Variants in TIAL1 observed in about 807,000 individuals in gnomAD.
The protein encoded by TIAL1 is nucleolysin TIAR.
A neutral mutation model predicts 59.7 loss-of-function variants in TIAL1; 7 were observed. The observed-to-expected ratio is 0.12, with a 90% CI of 0.07 to 0.22. The LOEUF (loss-of-function observed/expected upper bound fraction) is 0.22, where lower values mean the gene tolerates loss of function less well. Ranked by LOEUF, TIAL1 falls within the 10% of genes least tolerant of loss-of-function variation. The pLI, the probability that TIAL1 is intolerant of heterozygous loss-of-function variation, is 1.00. For missense variants in TIAL1, 225 were observed against 462.5 expected, an observed-to-expected ratio of 0.49 and a Z score of 4.71; for synonymous variants, 149 against 146.3, an observed-to-expected ratio of 1.02 and a Z score of -0.13.
chr10:119,585,221 T>A (rs1403345377), intron 2 of TIAL1, among the ~76,000 whole-genome samples: 1 of 150,958 alleles, frequency 6.6e-6, no homozygotes, highest in African/African-American at 2.4e-5. Context: ...GGCAGGAGGA[T>A]CACTTGAGCC....
intron 2 of TIAL1, among the ~76,000 whole-genome samples, chr10:119,584,040 A>T (rs1007727903): frequency 5.3e-5 from 8 of 152,210 alleles, no homozygotes; most frequent in African/African-American, 4.8e-5. Flanking sequence ...AAACACTGAT[A>T]ATCACAGCAA....
intron 7 of TIAL1, 37 bp from the exon 8 acceptor site, chr10:119,577,773 T>C (rs1338658323): frequency 1.3e-6 from 2 of 1,511,270 alleles, no homozygotes; most frequent in Admixed American, 1.7e-5. Context: ...TTGACTGTTA[T>C]ATTGTACTAT....
rs766052642 is a variant in TIAL1 at position 119,582,237 on chromosome 10, T to C, written c.229-14A>G. ...TACTTTGACCTCCTAAAAATAAAGA[T>C]TATATTTAATAAAATTATTAGGCAT... On this transcript the variant is annotated splice_polypyrimidine_tract_variant and intron_variant, in intron 3 of 11. Transcript: ENST00000436547. The surrounding 1 kb of genome is among the most constrained non-coding windows in gnomAD (Gnocchi z 5.1). 6.4e-7 allele frequency: 1 copy of C among 1,572,194 alleles called. No homozygotes were observed. The highest frequency in any genetic ancestry group is 2.3e-5 in the East Asian group (1 of 44,128).
Position 119,577,456 on chromosome 10 carries a change from AAATG to A in TIAL1, c.728_731del (p.Ser243LeufsTer17). On this transcript the variant is annotated frameshift_variant, in exon 9 of 12. Transcript: ENST00000436547. LOFTEE classifies it high-confidence loss of function. ...TATTTCAAGTAGAGTGTTACCTGACAAATGAATAGCCCTTTTCTGGGAAAACTCT... is the reference window on the plus strand; with the variant it reads ...TATTTCAAGTAGAGTGTTACCTGACAAATAGCCCTTTTCTGGGAAAACTCT... 1 of 1,612,296 alleles carries A rather than the reference AAATG, an allele frequency of 6.2e-7. No individual in the cohort carries two copies. Among genetic ancestry groups the A allele is most frequent in the Non-Finnish European group, 8.5e-7 (1 of 1,178,700 alleles).
Position 119,573,897 on chromosome 10 carries a change from T to C in TIAL1, c.*1768A>G, listed in dbSNP as rs1844822891. On this transcript the variant is annotated 3_prime_UTR_variant, in exon 12 of 12. Coordinates refer to ENST00000436547, the MANE Select transcript of TIAL1 (RefSeq NM_003252.4). ...AATTTTTATGTTGAATACATTTGGC[T>C]ATATTGCTAAGTGGGAAAAGGAGGA... 6.6e-6 allele frequency: 1 copy of C among 152,232 alleles called. No individual in the cohort carries two copies. Among genetic ancestry groups the C allele is most frequent in the African/African-American group, 2.4e-5 (1 of 41,450 alleles). The allele number at this position is 152,232 out of a possible 1,614,324, so 9.4% of individuals were successfully genotyped here.
At chr10:119,593,028 C>T (rs536768368) in intron 1 of TIAL1, among the ~76,000 whole-genome samples, 4 of 152,254 alleles carry the variant, frequency 2.6e-5, no homozygotes, top group South Asian at 4.2e-4. Context: ...TGGTATTACA[C>T]GAATTCCTAG....
chr10:119,595,700 G>A (rs1346431466), intron 1 of TIAL1, among the ~76,000 whole-genome samples: 1 of 152,202 alleles, frequency 6.6e-6, no homozygotes, highest in East Asian at 1.9e-4. Flanking sequence ...AGATTAGGAA[G>A]AGGCAACACC....
Position 119,573,880 on chromosome 10 carries a change from T to C in TIAL1, c.*1785A>G, listed in dbSNP as rs933255186. 1.3e-5 allele frequency: 2 copies of C among 152,224 alleles called. No homozygotes were observed. The allele number at this position is 152,224 out of a possible 1,614,324, so 9.4% of individuals were successfully genotyped here. ...GAATTTCAGACCCTATGAATTTTTA[T>C]GTTGAATACATTTGGCTATATTGCT... On this transcript the variant is annotated 3_prime_UTR_variant, in exon 12 of 12. Transcript: ENST00000436547.
At position 119,578,806 on chromosome 10, in the gene TIAL1, C is replaced by G; in HGVS notation, c.476G>C (p.Gly159Ala). 6.2e-7 allele frequency: 1 copy of G among 1,614,072 alleles called. No individual in the cohort carries two copies. The highest frequency in any genetic ancestry group is 8.5e-7 in the Non-Finnish European group (1 of 1,179,998). The change falls in exon 7 of 12, where the codon GGC becomes GCC. Residue 159 changes from glycine (G) to alanine (A), a missense_variant. This residue lies in a region of TIAL1 where 38 missense variants were observed against 173.0 expected (regional missense o/e 0.22). Transcript: ENST00000436547. ...TTGACGACCACCCAACCACTGACCG[C>G]CCATATGCACAATCGCATTTTCTGC... Reference protein sequence around the residue: ...LDAENAIVHMGGQWLGGRQIR... With the variant: ...LDAENAIVHMAGQWLGGRQIR...
At chr10:119,589,588 G>A (rs1367543736) in intron 1 of TIAL1, among the ~76,000 whole-genome samples, 1 of 151,948 alleles carries the variant, frequency 6.6e-6, no homozygotes, top group Admixed American at 6.5e-5. Flanking sequence ...ACAAATCCAG[G>A]CATACTTTTG....
At chr10:119,578,262 A>G (rs1198224956) in intron 7 of TIAL1, among the ~76,000 whole-genome samples, 9 of 147,470 alleles carry the variant, frequency 6.1e-5, no homozygotes, top group African/African-American at 2.0e-4. Flanking sequence ...ATATGCCTCA[A>G]TGGGAGGAGA....
At chr10:119,593,249 T>C (rs1035337034) in intron 1 of TIAL1, among the ~76,000 whole-genome samples, 1 of 152,192 alleles carries the variant, frequency 6.6e-6, no homozygotes, top group Non-Finnish European at 1.5e-5. Context: ...ATGATCTTGT[T>C]TGTTTTTTTA....
intron 2 of TIAL1, among the ~76,000 whole-genome samples, chr10:119,587,000 T>G (rs2133986291): frequency 6.6e-6 from 1 of 152,286 alleles, no homozygotes; most frequent in South Asian, 2.1e-4. Context: ...TAGTGCCTAG[T>G]GCAAAGGAAA....
intron 1 of TIAL1, among the ~76,000 whole-genome samples, chr10:119,590,768 GA>G (rs879765762): frequency 1.1e-5 from 1 of 87,736 alleles, no homozygotes; most frequent in Non-Finnish European, 2.2e-5. Context: ...AAGAGAGAAA[GA>G]AAGAAAGAAA....
At position 119,596,587 on chromosome 10, in the gene TIAL1, CCCTGCTCTCGGGCTCTCTCCCCCCAG is replaced by C; in HGVS notation, c.-148_-123del. 1 of 783,374 alleles carries C rather than the reference CCCTGCTCTCGGGCTCTCTCCCCCCAG, an allele frequency of 1.3e-6. No individual in the cohort carries two copies. The highest frequency in any genetic ancestry group is 2.0e-6 in the Non-Finnish European group (1 of 493,754). 48.5% of individuals were successfully genotyped at this position (783,374 alleles called of 1,614,324 possible). A position where few individuals can be genotyped will look rare whatever the true frequency, so the allele number is the denominator to read the frequency against. On this transcript the variant is annotated 5_prime_UTR_variant, in exon 1 of 12. Transcript: ENST00000436547. ...TGGGGACAGAGGAAAAGGCACCGAACCCTGCTCTCGGGCTCTCTCCCCCCAGCCCGCTCCGGACACTGCGCTCCAAC... is the reference window on the plus strand; with the variant it reads ...TGGGGACAGAGGAAAAGGCACCGAACCCCGCTCCGGACACTGCGCTCCAAC...
In TIAL1 at chr10:119,575,749, C is replaced by G. The variant is rs1367196638; in HGVS notation, c.1044G>C (p.Gln348His). The change falls in exon 12 of 12, where the codon CAG becomes CAC. Residue 348 changes from glutamine (Q) to histidine (H), a missense_variant. By Grantham distance (24) the Gln-to-His change is conservative (BLOSUM62 0). Transcript: ENST00000436547. The part of the protein sequence containing the change: ...SAAWMGGFGA[Q>H]PPQGQAPPPV... Reference sequence around the variant, plus strand: ...GGGGAGGAGCTTGTCCTTGGGGAGGCTGAGCACCAAATCCACCCATCCAAG... The same window carrying G: ...GGGGAGGAGCTTGTCCTTGGGGAGGGTGAGCACCAAATCCACCCATCCAAG... 3 of 1,601,118 alleles carry G rather than the reference C, an allele frequency of 1.9e-6. No homozygotes were observed. The highest frequency in any genetic ancestry group is 2.6e-6 in the Non-Finnish European group (3 of 1,174,562).
chr10:119,575,907 C>T, intron 11 of TIAL1, 116 bp from the exon 12 acceptor site: 1 of 954,712 alleles, frequency 1.0e-6, no homozygotes, highest in Non-Finnish European at 1.5e-6. Context: ...AATCAACACA[C>T]CTACAACAAA....
intron 2 of TIAL1, among the ~76,000 whole-genome samples, chr10:119,586,507 T>C (rs1167509993): frequency 6.6e-6 from 1 of 152,192 alleles, no homozygotes; most frequent in Non-Finnish European, 1.5e-5. Context: ...CCCGCTACAA[T>C]CTATTCTCCA....
At chr10:119,595,041 TG>T (rs1846089644) in intron 1 of TIAL1, among the ~76,000 whole-genome samples, 1 of 152,222 alleles carries the variant, frequency 6.6e-6, no homozygotes, top group Non-Finnish European at 1.5e-5. Context: ...AAGCATTGGA[TG>T]TGCTTCAGTA....
Sources: allele counts gnomAD v4.1 joint callset (sites outside exome capture counted in the v4.1 genomes callset), GRCh38; gene constraint gnomAD v4.1.1; regional missense constraint gnomAD v4.1.1; non-coding constraint Gnocchi (gnomAD v3.1); transcripts MANE v1.5; gene names NCBI Gene and HGNC (gene_info 2026-07-23, HGNC 2026-07-21).